SALL3: variants seen among roughly 807,000 people sequenced by gnomAD.
SALL3 encodes the protein sal-like protein 3.
In SALL3, 25 loss-of-function variants were observed where a neutral mutation model predicts 66.2. The observed-to-expected ratio is 0.38, with a 90% CI of 0.28 to 0.53. The LOEUF is 0.53. Among genes scored for constraint, SALL3 ranks in the 20% least tolerant of loss-of-function variants. SALL3 has a pLI of 0.85. For synonymous variants in SALL3, 1,152 were observed against 899.1 expected (o/e 1.28, Z -5.03); for missense variants, 2,194 against 1,916.5 (o/e 1.14, Z -2.70).
In SALL3 at chr18:78,980,058, GCCGCCGGAGT is replaced by G. The variant is rs1184326340; in HGVS notation, c.-212_-203del. On this transcript the variant is annotated 5_prime_UTR_variant, in exon 1 of 3. Coordinates refer to ENST00000537592, the MANE Select transcript of SALL3 (RefSeq NM_171999.4). ...TGCGAGCGCGGCCTCATTTGCATAG[GCCGCCGGAGT>G]CCGCTGGAGCCCGGCCAATCGGCGC... Among the ~76,000 whole-genome samples, 1 of 145,964 alleles carries G rather than the reference GCCGCCGGAGT, an allele frequency of 6.9e-6. No individual in the cohort carries two copies. Among genetic ancestry groups the G allele is most frequent in the Non-Finnish European group, 1.5e-5 (1 of 65,700 alleles).
chr18:78,994,611 C>T lies in SALL3; in HGVS notation c.2620C>T (p.Arg874Cys), dbSNP rs777607456. The change falls in exon 2 of 3, where the codon CGC (arginine) becomes TGC (cysteine). Residue 874 changes from arginine to cysteine, a missense_variant. Coordinates refer to ENST00000537592, the MANE Select transcript of SALL3 (RefSeq NM_171999.4). ...GGAGAACGGGTCCGGGGAGAGTGAC[C>T]GCCTGAGCAACGACTCCTCGTCGGC... is the stretch of plus-strand genomic sequence containing the variant. The part of the protein sequence containing the change: ...SVENGSGESD[R>C]LSNDSSSAVG... The T allele has an allele frequency of 1.9e-6, 3 of 1,609,084 alleles. No homozygotes were observed. The highest frequency in any genetic ancestry group is 1.1e-5 in the South Asian group (1 of 90,846).
chr18:78,984,101 AATTACTTAGCAAGCTG>A (rs1914161259), intron 1 of SALL3, among the ~76,000 whole-genome samples: 1 of 152,218 alleles, frequency 6.6e-6, no homozygotes, highest in African/African-American at 2.4e-5. Context: ...TAACAGCAGG[AATTACTTAGCAAGCTG>A]ATTCTTTTTT....
Position 78,980,011 on chromosome 18 carries a change from C to T in SALL3, c.-264C>T, listed in dbSNP as rs1487052635. On this transcript the variant is annotated 5_prime_UTR_variant, in exon 1 of 3. Coordinates refer to ENST00000537592, the MANE Select transcript of SALL3 (RefSeq NM_171999.4). Reference sequence around the variant, plus strand: ...CGGTCCCGAGGCGCCGCGGCCCCCTCCTCGTCGGCGCGGCCGCTAATTGCG... The same window carrying T: ...CGGTCCCGAGGCGCCGCGGCCCCCTTCTCGTCGGCGCGGCCGCTAATTGCG... 1.4e-5 allele frequency among the ~76,000 whole-genome samples: 2 copies of T among 145,708 alleles called. No individual in the cohort carries two copies. Among genetic ancestry groups the T allele is most frequent in the Non-Finnish European group, 3.0e-5 (2 of 65,596 alleles).
rs1187563403 is a variant in SALL3 at position 78,979,917 on chromosome 18, C to T, written c.-358C>T. On this transcript the variant is annotated 5_prime_UTR_variant, in exon 1 of 3. Transcript: ENST00000537592. The stretch of plus-strand genomic sequence containing the variant: ...CCGCACCCGGGCCCCGCCACAGCCG[C>T]ACCCGGGGCGGCCGAGGAGCGCGGC... Among the ~76,000 whole-genome samples, 8 of 144,280 alleles carry T rather than the reference C, an allele frequency of 5.5e-5. No homozygotes were observed. The highest frequency in any genetic ancestry group is 2.0e-4 in the African/African-American group (8 of 40,288). 94.7% of individuals were successfully genotyped at this position (144,280 alleles called of 152,430 possible).
Position 78,990,914 on chromosome 18 carries a change from G to A in SALL3, c.83-1160G>A, listed in dbSNP as rs60787658. ...TGCTGTATGTTGGTTTCTCATTCCT[G>A]TATAGCTATTTATTTGATCAGGTGT... On this transcript the variant is annotated intron_variant, in intron 1 of 2. Coordinates refer to ENST00000537592, the MANE Select transcript of SALL3 (RefSeq NM_171999.4). 6.3e-3 allele frequency among the ~76,000 whole-genome samples: 964 copies of A among 152,288 alleles called. 10 individuals carry two copies. Among genetic ancestry groups the A allele is most frequent in the African/African-American group, 0.022 (915 of 41,558 alleles).
In SALL3 at chr18:78,993,126, A is replaced by G. The variant is rs1162874629; in HGVS notation, c.1135A>G (p.Ser379Gly). Residue 379 changes from serine to glycine, a missense_variant, in exon 2 of 3, where the codon AGC (serine) becomes GGC (glycine). By Grantham distance (56) the Ser-to-Gly change is moderately conservative. Transcript: ENST00000537592. ...SGVIFPNPLV[S>G]IAATANALDP... ...CGTCATCTTCCCCAACCCGCTGGTC[A>G]GCATCGCGGCCACGGCCAACGCTCT... The G allele has an allele frequency of 6.9e-6, 11 of 1,605,354 alleles. No homozygotes were observed. In the South Asian group the frequency reaches 1.0e-4, roughly 15 times the overall value.
Position 78,997,342 on chromosome 18 carries a change from C to G in SALL3, c.*20C>G, listed in dbSNP as rs1044011195. The G allele has an allele frequency of 1.9e-6, 3 of 1,601,568 alleles. No individual in the cohort carries two copies. Among genetic ancestry groups the G allele is most frequent in the South Asian group, 1.1e-5 (1 of 89,444 alleles). Reference sequence around the variant, plus strand: ...AACTAGCCAGTGACTCGCTCATCTGCCCTGCCCAGGCCCACGTTTTGAAGT... The same window carrying G: ...AACTAGCCAGTGACTCGCTCATCTGGCCTGCCCAGGCCCACGTTTTGAAGT... On this transcript the variant is annotated 3_prime_UTR_variant, in exon 3 of 3. Transcript: ENST00000537592.
intron 1 of SALL3, among the ~76,000 whole-genome samples, chr18:78,982,244 A>G (rs1914096620): frequency 6.6e-6 from 1 of 152,224 alleles, no homozygotes; most frequent in Admixed American, 6.5e-5. Flanking sequence ...CACAAGTTCT[A>G]CTTTGAATCC....
Position 78,992,150 on chromosome 18 carries a change from C to T in SALL3, c.159C>T (p.Cys53=), listed in dbSNP as rs748334485. The T allele has an allele frequency of 4.4e-6, 7 of 1,607,488 alleles. No homozygotes were observed. The highest frequency in any genetic ancestry group is 2.7e-5 in the African/African-American group (2 of 74,624). The change falls in exon 2 of 3, where the codon TGC becomes TGT. Residue 53 remains cysteine, a synonymous_variant. Coordinates refer to ENST00000537592, the MANE Select transcript of SALL3 (RefSeq NM_171999.4). The part of the protein sequence containing the change: ...SRSGGEETSV[C]EKCCAEFFKW... ...GCGGGGGCGAGGAGACCAGCGTGTG[C>T]GAGAAATGCTGCGCCGAGTTCTTCA...
Position 78,992,175 on chromosome 18 carries a change from A to G in SALL3, c.184A>G (p.Lys62Glu). The change falls in exon 2 of 3, where the codon AAG becomes GAG. Residue 62 changes from lysine (K) to glutamate (E), a missense_variant. Physicochemically the swap from Lys to Glu is moderately conservative, Grantham distance 56. Coordinates refer to ENST00000537592, the MANE Select transcript of SALL3 (RefSeq NM_171999.4). Reference protein sequence around the residue: ...VCEKCCAEFFKWADFLEHQRS... With the variant: ...VCEKCCAEFFEWADFLEHQRS... ...CGAGAAATGCTGCGCCGAGTTCTTCAAGTGGGCGGACTTCCTGGAGCACCA... is the reference window on the plus strand; with the variant it reads ...CGAGAAATGCTGCGCCGAGTTCTTCGAGTGGGCGGACTTCCTGGAGCACCA... The G allele has an allele frequency of 6.2e-7, 1 of 1,610,068 alleles. No individual in the cohort carries two copies.
In SALL3 at chr18:78,993,754, TCGG is replaced by T. The variant is rs1436063929; in HGVS notation, c.1767_1769del (p.Gly590del). The T allele has an allele frequency of 6.5e-7, 1 of 1,543,720 alleles. No individual in the cohort carries two copies. Among genetic ancestry groups the T allele is most frequent in the Non-Finnish European group, 8.7e-7 (1 of 1,154,916 alleles). ...ACCGCCGAGTCCCCACAGTCGCTCC[TCGG>T]CGGGCCGCCCCTCACTAAAGCCGAG... On this transcript the variant is annotated inframe_deletion, in exon 2 of 3. Transcript: ENST00000537592.
In SALL3 at chr18:78,993,284, C is replaced by T. The variant is rs1275781620; in HGVS notation, c.1293C>T (p.Ser431=). The change falls in exon 2 of 3, where the codon AGC becomes AGT. Residue 431 remains serine, a synonymous_variant. Coordinates refer to ENST00000537592, the MANE Select transcript of SALL3 (RefSeq NM_171999.4). ...KCRFCAKVFG[S]DSALQIHLRS... is the part of the protein sequence containing the mutation. Reference sequence around the variant, plus strand: ...GCTTCTGCGCCAAGGTCTTCGGCAGCGACAGCGCGCTCCAGATCCACCTGC... The same window carrying T: ...GCTTCTGCGCCAAGGTCTTCGGCAGTGACAGCGCGCTCCAGATCCACCTGC... 7.4e-6 allele frequency: 12 copies of T among 1,610,840 alleles called. No individual in the cohort carries two copies. The highest frequency in any genetic ancestry group is 1.6e-4 in the Middle Eastern group (1 of 6,082).
At chr18:78,980,407 G>A (rs1481100585) in intron 1 of SALL3, 51 bp downstream of exon 1, 18 of 1,164,748 alleles carry the variant, frequency 1.5e-5, no homozygotes, top group Non-Finnish European at 1.9e-5. Flanking sequence ...TGCCCGTCCG[G>A]GCTGGGGAAG....
intron 2 of SALL3, among the ~76,000 whole-genome samples, chr18:78,995,702 C>T (rs939327469): frequency 1.3e-5 from 2 of 151,624 alleles, no homozygotes; most frequent in South Asian, 2.1e-4. Flanking sequence ...GTGTATGGGT[C>T]GTGTGTGTGT....
At chr18:78,983,739 C>T (rs1323695502) in intron 1 of SALL3, among the ~76,000 whole-genome samples, 1 of 152,196 alleles carries the variant, frequency 6.6e-6, no homozygotes, top group African/African-American at 2.4e-5. Flanking sequence ...ATTTACAATT[C>T]AGCATACCAA....
intron 2 of SALL3, among the ~76,000 whole-genome samples, chr18:78,996,031 A>C (rs1845973136): frequency 6.6e-6 from 1 of 152,178 alleles, no homozygotes; most frequent in South Asian, 2.1e-4. Context: ...ACTTGGTTTT[A>C]AAACTCACAT....
At position 78,979,923 on chromosome 18, in the gene SALL3, G is replaced by C. The variant is rs1285419240; in HGVS notation, c.-352G>C. On this transcript the variant is annotated 5_prime_UTR_variant, in exon 1 of 3. Coordinates refer to ENST00000537592, the MANE Select transcript of SALL3 (RefSeq NM_171999.4). The stretch of plus-strand genomic sequence containing the variant: ...CCGGGCCCCGCCACAGCCGCACCCG[G>C]GGCGGCCGAGGAGCGCGGCGCCGGA... Among the ~76,000 whole-genome samples the C allele has an allele frequency of 7.0e-6, 1 of 143,772 alleles. No homozygotes were observed. Among genetic ancestry groups the C allele is most frequent in the Admixed American group, 6.8e-5 (1 of 14,604 alleles). 94.3% of individuals were successfully genotyped at this position (143,772 alleles called of 152,430 possible).
chr18:78,980,730 G>C (rs866152873), intron 1 of SALL3, among the ~76,000 whole-genome samples: 1 of 115,858 alleles, frequency 8.6e-6, no homozygotes, highest in Non-Finnish European at 2.0e-5. Flanking sequence ...TGAGGCCGGC[G>C]GCGGCGGGGA....
rs781638090 is a variant in SALL3, at chr18:78,994,804, C to T, written c.2813C>T (p.Pro938Leu). The T allele has an allele frequency of 1.0e-5, 16 of 1,596,590 alleles. No individual in the cohort carries two copies. The highest frequency in any genetic ancestry group is 1.7e-5 in the Admixed American group (1 of 58,348). ...PQEIPLKTERPDSPAAAPGSG... is the reference protein window; with the variant it reads ...PQEIPLKTERLDSPAAAPGSG... ...GAAATCCCGCTCAAGACCGAGAGGCCGGACAGCCCAGCCGCCGCCCCGGGC... is the reference window on the plus strand; with the variant it reads ...GAAATCCCGCTCAAGACCGAGAGGCTGGACAGCCCAGCCGCCGCCCCGGGC... Residue 938 changes from proline to leucine, a missense_variant, in exon 2 of 3, where the codon CCG becomes CTG. Physicochemically the swap from Pro to Leu is moderately conservative, Grantham distance 98. Coordinates refer to ENST00000537592, the MANE Select transcript of SALL3 (RefSeq NM_171999.4).
Sources: gnomAD v4.1 joint callset for allele counts (sites outside exome capture counted in the v4.1 genomes callset) on GRCh38, gnomAD v4.1.1 for gene constraint, MANE v1.5 for transcripts, NCBI Gene and HGNC (gene_info 2026-07-23, HGNC 2026-07-21) for gene names.